CTNNA2: variants seen among roughly 807,000 people sequenced by gnomAD.
The protein encoded by CTNNA2 is catenin alpha-2.
A neutral mutation model predicts 101.0 loss-of-function variants in CTNNA2; 42 were observed. The ratio of observed to expected loss-of-function variants is 0.42; its 90% CI spans 0.32 to 0.54. The LOEUF (loss-of-function observed/expected upper bound fraction) is 0.54. CTNNA2 is among the 20% of genes least tolerant of loss of function. CTNNA2 has a pLI of 0.14. For synonymous variants in CTNNA2, 450 were observed against 456.4 expected (o/e 0.99, Z 0.18); for missense variants, 871 against 1,223.1 (o/e 0.71, Z 4.29).
chr2:80,439,299 G>A (rs2043450), intron 9 of CTNNA2, among the ~76,000 whole-genome samples: 34,699 of 152,042 alleles, frequency 0.23, 5,864 homozygotes, highest in African/African-American at 0.48. Context: ...TTTAATGTTA[G>A]GATATTTGCA....
intron 2 of CTNNA2, among the ~76,000 whole-genome samples, chr2:79,216,115 G>A (rs1037313309): frequency 6.6e-6 from 1 of 152,134 alleles, no homozygotes; most frequent in African/African-American, 2.4e-5. Context: ...AGATCTTGTA[G>A]GATGGAAAAA....
intron 2 of CTNNA2, among the ~76,000 whole-genome samples, chr2:79,279,543 C>T (rs1368896982): frequency 6.6e-6 from 1 of 152,098 alleles, no homozygotes; most frequent in African/African-American, 2.4e-5. Flanking sequence ...TCCATGACCA[C>T]AACAGAAAAG....
intron 4 of CTNNA2, among the ~76,000 whole-genome samples, chr2:79,401,704 A>G (rs2104481399): frequency 6.6e-6 from 1 of 151,794 alleles, no homozygotes; most frequent in Middle Eastern, 3.5e-3. Context: ...ACTAAAAAAA[A>G]CCCAGATGTA....
At chr2:80,143,579 A>G (rs1050699133) in intron 7 of CTNNA2, among the ~76,000 whole-genome samples, 1 of 152,140 alleles carries the variant, frequency 6.6e-6, no homozygotes, top group Non-Finnish European at 1.5e-5. Flanking sequence ...TCTCCCCTTT[A>G]CCCACCCATG....
chr2:80,621,143 A>C (rs908301828), intron 18 of CTNNA2, among the ~76,000 whole-genome samples: 2 of 151,870 alleles, frequency 1.3e-5, no homozygotes, highest in East Asian at 3.9e-4. Context: ...ACTCAAAGCA[A>C]ATTACTTAGA....
At chr2:79,920,726 T>C (rs1290016728) in intron 7 of CTNNA2, among the ~76,000 whole-genome samples, 5 of 152,214 alleles carry the variant, frequency 3.3e-5, no homozygotes, top group African/African-American at 9.6e-5. Context: ...CTTTTCACTA[T>C]AGTTAAAGCT....
At position 79,988,152 on chromosome 2, in the gene CTNNA2, G is replaced by C. The variant is rs1691898164; in HGVS notation, c.1056+78355G>C. On this transcript the variant is annotated intron_variant, in intron 7 of 18. Transcript: ENST00000402739. ...GAATTTCATTTTGTGGAGGTTAAGT[G>C]TACAGAATATGGCATCAAATCATGT... is the stretch of plus-strand genomic sequence containing the variant. 2.0e-5 allele frequency among the ~76,000 whole-genome samples: 3 copies of C among 152,302 alleles called. No individual in the cohort carries two copies. The South Asian group carries it at 6.2e-4, about 32-fold the overall frequency.
intron 11 of CTNNA2, among the ~76,000 whole-genome samples, chr2:80,549,876 G>A (rs1354999757): frequency 1.3e-5 from 2 of 152,064 alleles, no homozygotes; most frequent in African/African-American, 4.8e-5. Flanking sequence ...ATAATTGACT[G>A]CCCTCCTTGA....
At chr2:79,403,986 T>A (rs1310622154) in intron 4 of CTNNA2, among the ~76,000 whole-genome samples, 1 of 151,652 alleles carries the variant, frequency 6.6e-6, no homozygotes, top group Non-Finnish European at 1.5e-5. Context: ...ATCTATTATT[T>A]TTGAGCTAGT....
At chr2:79,437,638 ATAACATAACCGTG>A (rs1180403837) in intron 4 of CTNNA2, among the ~76,000 whole-genome samples, 1 of 152,208 alleles carries the variant, frequency 6.6e-6, no homozygotes, top group Admixed American at 6.5e-5. Flanking sequence ...GCTCTGCTTC[ATAACATAACCGTG>A]TGTCACTATT....
At chr2:79,970,551 C>T (rs1295812800) in intron 7 of CTNNA2, among the ~76,000 whole-genome samples, 1 of 152,068 alleles carries the variant, frequency 6.6e-6, no homozygotes, top group East Asian at 1.9e-4. Flanking sequence ...ATGTTTTGCT[C>T]CGTATGGAGA....
intron 4 of CTNNA2, among the ~76,000 whole-genome samples, chr2:79,441,176 G>T (rs1166849460): frequency 6.6e-6 from 1 of 152,104 alleles, no homozygotes; most frequent in Non-Finnish European, 1.5e-5. Flanking sequence ...ACAAGTATTA[G>T]ATTGTCCTAT....
chr2:80,475,911 T>TA (rs10712007), intron 9 of CTNNA2, among the ~76,000 whole-genome samples: 122 of 150,270 alleles, frequency 8.1e-4, no homozygotes, highest in Middle Eastern at 3.4e-3. Context: ...GTGCTTTTCT[T>TA]AAAAAAAAAA....
chr2:80,433,859 T>C (rs1307791886), intron 9 of CTNNA2, among the ~76,000 whole-genome samples: 1 of 152,210 alleles, frequency 6.6e-6, no homozygotes, highest in Non-Finnish European at 1.5e-5. Flanking sequence ...TTTCTCCTGA[T>C]AGTTTTCAGG....
At chr2:80,481,450 G>C (rs746568824) in intron 9 of CTNNA2, among the ~76,000 whole-genome samples, 1 of 151,996 alleles carries the variant, frequency 6.6e-6, no homozygotes, top group Non-Finnish European at 1.5e-5. Flanking sequence ...TTTGGTGCAC[G>C]GTAAAGGCTT....
At chr2:79,380,775 T>C (rs556832509) in intron 4 of CTNNA2, among the ~76,000 whole-genome samples, 1 of 152,288 alleles carries the variant, frequency 6.6e-6, no homozygotes, top group South Asian at 2.1e-4. Context: ...ATTACAAAAA[T>C]ATTTCCTAGT....
intron 7 of CTNNA2, among the ~76,000 whole-genome samples, chr2:80,216,370 C>A (rs1001873060): frequency 6.6e-6 from 1 of 152,184 alleles, no homozygotes; most frequent in African/African-American, 2.4e-5. Context: ...TGAACAGATT[C>A]TTTTCAGCAG....
intron 8 of CTNNA2, among the ~76,000 whole-genome samples, chr2:80,406,844 A>AG (rs1679114346): frequency 2.0e-5 from 3 of 151,604 alleles, no homozygotes; most frequent in East Asian, 3.9e-4. Flanking sequence ...AAAAAAAAAA[A>AG]AAAAGAAAAG....
At chr2:80,623,090 G>A (rs567991604) in intron 18 of CTNNA2, among the ~76,000 whole-genome samples, 44 of 144,108 alleles carry the variant, frequency 3.1e-4, no homozygotes, top group African/African-American at 1.1e-3. Flanking sequence ...GTTAGATTAT[G>A]TTTGTTTCAA....
Sources: allele counts gnomAD v4.1 joint callset (sites outside exome capture counted in the v4.1 genomes callset), GRCh38; gene constraint gnomAD v4.1.1; transcripts MANE v1.5; gene names NCBI Gene and HGNC (gene_info 2026-07-23, HGNC 2026-07-21).